The following ATRAID variants were observed in gnomAD, a reference collection of about 807,000 sequenced individuals.
The protein encoded by ATRAID is all-trans retinoic acid induced differentiation factor.
In ATRAID, 26 loss-of-function variants were observed where a neutral mutation model predicts 28.8. The ratio of observed to expected loss-of-function variants is 0.90; its 90% CI spans 0.66 to 1.25. The LOEUF (loss-of-function observed/expected upper bound fraction) is 1.25, where lower values mean the gene tolerates loss of function less well. Ranked by LOEUF, ATRAID falls within the 50% of genes most tolerant of loss-of-function variation. ATRAID has a pLI of 0.00. For missense variants in ATRAID, 308 were observed against 285.9 expected (o/e 1.08, Z -0.56); for synonymous variants, 131 against 108.5 (o/e 1.21, Z -1.29).
At position 27,213,413 on chromosome 2, in the gene ATRAID, C is replaced by T; in HGVS notation, c.221+115C>T. ...ATTATGGTTTCAGCTGTAATCATCACGCAGATGTCTACCAAAACTAGATCT... is the reference window on the plus strand; with the variant it reads ...ATTATGGTTTCAGCTGTAATCATCATGCAGATGTCTACCAAAACTAGATCT... On this transcript the variant is annotated intron_variant, in intron 2 of 6. Transcript: ENST00000380171. 3.8e-6 allele frequency: 5 copies of T among 1,326,340 alleles called. No homozygotes were observed. The East Asian group carries it at 1.2e-4, about 33-fold the overall frequency. The allele number at this position is 1,326,340 out of a possible 1,614,324, so 82.2% of individuals were successfully genotyped here.
intron 2 of ATRAID, among the ~76,000 whole-genome samples, chr2:27,214,581 C>T (rs754195606): frequency 2.6e-5 from 4 of 152,104 alleles, no homozygotes; most frequent in African/African-American, 7.2e-5. Context: ...GAGCCAGGCG[C>T]GGTGGCTCAT....
chr2:27,216,908 T>C lies in ATRAID; in HGVS notation c.650T>C (p.Leu217Pro), dbSNP rs1211777287. The change falls in exon 7 of 7, where the codon CTG (leucine) becomes CCG (proline). Residue 217 changes from leucine to proline, a missense_variant. Leu to Pro is a moderately conservative substitution (Grantham distance 98). Transcript: ENST00000380171. The part of the protein sequence containing the change: ...LGATTLSVSI[L>P]LWATQRRKAK... Reference sequence around the variant, plus strand: ...GCCACCACTCTATCCGTCTCCATTCTGCTTTGGGCGACCCAGCGCCGAAAA... The same window carrying C: ...GCCACCACTCTATCCGTCTCCATTCCGCTTTGGGCGACCCAGCGCCGAAAA... 2 of 1,614,226 alleles carry C rather than the reference T, an allele frequency of 1.2e-6. No homozygotes were observed. Among genetic ancestry groups the C allele is most frequent in the Admixed American group, 3.3e-5 (2 of 60,036 alleles).
In ATRAID at chr2:27,215,751, C is replaced by T. The variant is rs1371531329; in HGVS notation, c.485C>T (p.Pro162Leu). 55 of 1,613,892 alleles carry T rather than the reference C, an allele frequency of 3.4e-5. No homozygotes were observed. Among genetic ancestry groups the T allele is most frequent in the Non-Finnish European group, 4.6e-5 (54 of 1,179,972 alleles). The change falls in exon 5 of 7, where the codon CCA becomes CTA. Residue 162 changes from proline to leucine, a missense_variant and splice_region_variant. Coordinates refer to ENST00000380171, the MANE Select transcript of ATRAID (RefSeq NM_001170795.4). ...AACCTTTGCAATAACACTGGGGACC[C>T]AGGTATGCTGTCTTACCTCCAAACT... ...QKNLCNNTGD[P>L]EMCPENGSCV...
chr2:27,212,554 G>A, intron 1 of ATRAID, 87 bp downstream of exon 1: 1 of 1,492,226 alleles, frequency 6.7e-7, no homozygotes, highest in Non-Finnish European at 8.9e-7. Flanking sequence ...CTTCTCCTCG[G>A]CGGGCCTGCG....
At position 27,217,031 on chromosome 2, in the gene ATRAID, C is replaced by A; in HGVS notation, c.*83C>A. The A allele has an allele frequency of 7.9e-7, 1 of 1,261,378 alleles. No homozygotes were observed. Among genetic ancestry groups the A allele is most frequent in the Non-Finnish European group, 1.1e-6 (1 of 910,218 alleles). The allele number at this position is 1,261,378 out of a possible 1,614,324, so 78.1% of individuals were successfully genotyped here. ...GGAGCTCTGCTTCCTAGAAAGGCAT[C>A]TTTCGCCAGTGGATTCGCCTCAAGG... On this transcript the variant is annotated 3_prime_UTR_variant, in exon 7 of 7. Transcript: ENST00000380171.
At chr2:27,216,486 G>C in intron 5 of ATRAID, 37 bp from the exon 6 acceptor site, 2 of 1,454,472 alleles carry the variant, frequency 1.4e-6, no homozygotes, top group Non-Finnish European at 1.9e-6. Flanking sequence ...TAATGAAATG[G>C]ATAAAGTGAT....
chr2:27,212,760 T>C, intron 1 of ATRAID: 3 of 846,316 alleles, frequency 3.5e-6, no homozygotes, highest in South Asian at 4.3e-5. Flanking sequence ...GTAATCTCTC[T>C]ACGCACGAAC....
Position 27,215,289 on chromosome 2 carries a change from A to G in ATRAID, c.222-32A>G, listed in dbSNP as rs199694659. 77 of 1,604,752 alleles carry G rather than the reference A, an allele frequency of 4.8e-5. 1 individual carries two copies. In the East Asian group the frequency reaches 1.6e-3, roughly 33 times the overall value. ...GCCGTGGCTGAAGAAAAAGAGGAACACACAGTTATATTGATTACTTTATTT... is the reference window on the plus strand; with the variant it reads ...GCCGTGGCTGAAGAAAAAGAGGAACGCACAGTTATATTGATTACTTTATTT... On this transcript the variant is annotated intron_variant, in intron 2 of 6. Transcript: ENST00000380171.
In ATRAID at chr2:27,216,992, C is replaced by G; in HGVS notation, c.*44C>G. 2.7e-6 allele frequency: 4 copies of G among 1,504,792 alleles called. No homozygotes were observed. The highest frequency in any genetic ancestry group is 3.6e-6 in the Non-Finnish European group (4 of 1,098,560). 93.2% of individuals were successfully genotyped at this position (1,504,792 alleles called of 1,614,324 possible). On this transcript the variant is annotated 3_prime_UTR_variant, in exon 7 of 7. Transcript: ENST00000380171. ...TTGACCTAAGATCAATCTGAACTATCTTAGCCCAGTCAGGGAGCTCTGCTT... is the reference window on the plus strand; with the variant it reads ...TTGACCTAAGATCAATCTGAACTATGTTAGCCCAGTCAGGGAGCTCTGCTT...
chr2:27,213,727 C>T (rs1469037677), intron 2 of ATRAID, among the ~76,000 whole-genome samples: 1 of 152,108 alleles, frequency 6.6e-6, no homozygotes, highest in East Asian at 1.9e-4. Flanking sequence ...CCCACTTTTC[C>T]AACATTATTT....
chr2:27,217,162 C>G, downstream of ATRAID: 1 of 525,740 alleles, frequency 1.9e-6, no homozygotes, highest in Non-Finnish European at 3.3e-6. Context: ...CTTTTTTTTT[C>G]CTCTCTTTCT....
Position 27,212,354 on chromosome 2 carries a change from C to G in ATRAID, c.-15C>G. On this transcript the variant is annotated 5_prime_UTR_variant, in exon 1 of 7. Transcript: ENST00000380171. ...GCCGGGTCGCGCGAGCAGCGGAGCA[C>G]CAAGGGAACGGAAAATGGCGCCTCA... is the stretch of plus-strand genomic sequence containing the variant. 1.9e-6 allele frequency: 3 copies of G among 1,550,234 alleles called. No individual in the cohort carries two copies. Among genetic ancestry groups the G allele is most frequent in the Non-Finnish European group, 8.7e-7 (1 of 1,146,676 alleles).
Position 27,217,031 on chromosome 2 carries a change from C to T in ATRAID, c.*83C>T. 1 of 1,261,380 alleles carries T rather than the reference C, an allele frequency of 7.9e-7. No individual in the cohort carries two copies. Among genetic ancestry groups the T allele is most frequent in the South Asian group, 1.4e-5 (1 of 70,960 alleles). The allele number at this position is 1,261,380 out of a possible 1,614,324, so 78.1% of individuals were successfully genotyped here. A position where few individuals can be genotyped will look rare whatever the true frequency, so the allele number is the denominator to read the frequency against. ...GGAGCTCTGCTTCCTAGAAAGGCAT[C>T]TTTCGCCAGTGGATTCGCCTCAAGG... On this transcript the variant is annotated 3_prime_UTR_variant, in exon 7 of 7. Coordinates refer to ENST00000380171, the MANE Select transcript of ATRAID (RefSeq NM_001170795.4).
At chr2:27,216,815 G>C in intron 6 of ATRAID, 29 bp from the exon 7 acceptor site, 1 of 1,577,118 alleles carries the variant, frequency 6.3e-7, no homozygotes, top group Non-Finnish European at 8.7e-7. Context: ...AACGTTGTAT[G>C]GGGGTGTTTT....
intron 6 of ATRAID, 88 bp from the exon 7 acceptor site, chr2:27,216,756 G>A (rs1191194975): frequency 2.8e-6 from 4 of 1,429,408 alleles, no homozygotes; most frequent in Non-Finnish European, 3.9e-6. Flanking sequence ...TAGACAAAGT[G>A]ATAGGTATAT....
chr2:27,215,002 T>C (rs1248237930), intron 2 of ATRAID, among the ~76,000 whole-genome samples: 1 of 152,226 alleles, frequency 6.6e-6, no homozygotes, highest in Admixed American at 6.5e-5. Context: ...CTCATTCATA[T>C]TGCCCAGGCT....
At chr2:27,214,200 G>A (rs969197814) in intron 2 of ATRAID, among the ~76,000 whole-genome samples, 2 of 152,042 alleles carry the variant, frequency 1.3e-5, no homozygotes, top group African/African-American at 4.8e-5. Context: ...TAACTACATT[G>A]TAAGCCACTC....
At position 27,216,836 on chromosome 2, in the gene ATRAID, G is replaced by A; in HGVS notation, c.586-8G>A. 6.2e-7 allele frequency: 1 copy of A among 1,611,758 alleles called. No homozygotes were observed. Among genetic ancestry groups the A allele is most frequent in the Non-Finnish European group, 8.5e-7 (1 of 1,178,064 alleles). On this transcript the variant is annotated splice_polypyrimidine_tract_variant and splice_region_variant and intron_variant, in intron 6 of 6. Transcript: ENST00000380171. ...GTATGGGGGTGTTTTTTGGTCTGTT[G>A]TTCACAGGGCTCGTTCTCACTGCTT...
intron 2 of ATRAID, among the ~76,000 whole-genome samples, chr2:27,214,048 C>T (rs904628789): frequency 6.6e-6 from 1 of 152,142 alleles, no homozygotes; most frequent in Non-Finnish European, 1.5e-5. Flanking sequence ...TGGGTTCAAG[C>T]GATTCAGTAA....
Sources: allele counts gnomAD v4.1 joint callset (sites outside exome capture counted in the v4.1 genomes callset), GRCh38; gene constraint gnomAD v4.1.1; transcripts MANE v1.5; gene names NCBI Gene and HGNC (gene_info 2026-07-23, HGNC 2026-07-21).